Variants in HUWE1 observed in about 807,000 individuals in gnomAD.
HUWE1 encodes E3 ubiquitin-protein ligase HUWE1.
In HUWE1, 18 loss-of-function variants were observed where a neutral mutation model predicts 299.4. That is an observed-to-expected ratio of 0.06 (90% confidence interval 0.04 to 0.09). The LOEUF (loss-of-function observed/expected upper bound fraction) is 0.09. Ranked by LOEUF, HUWE1 falls within the 10% of genes least tolerant of loss-of-function variation. The pLI is 1.00. For missense variants in HUWE1, 1,832 were observed against 3,462.3 expected, an observed-to-expected ratio of 0.53 and a Z score of 11.82; for synonymous variants, 1,317 against 1,286.1, an observed-to-expected ratio of 1.02 and a Z score of -0.51.
At chrX:53,534,340 A>G (rs1602468135) in intron 82 of HUWE1, 143 bp from the exon 83 acceptor site, 2 of 692,483 alleles carry the variant, frequency 2.9e-6, no homozygotes, top group East Asian at 3.4e-5. Context: ...CCTTTCATTC[A>G]TAAGACGGCC....
chrX:53,533,631 TAA>T, intron 83 of HUWE1: 1 of 454,526 alleles, frequency 2.2e-6, no homozygotes, highest in Non-Finnish European at 3.9e-6. Flanking sequence ...CACTCCTCCT[TAA>T]ACACCCTGGC....
chrX:53,575,344 C>T (rs1482100764), intron 45 of HUWE1, 123 bp from the exon 46 acceptor site: 1 of 545,948 alleles, frequency 1.8e-6, no homozygotes, highest in African/African-American at 2.3e-5. Context: ...AACCTTTTAA[C>T]CACCTTACAC....
At chrX:53,597,490 C>T (rs1274387349) in intron 29 of HUWE1, among the ~76,000 whole-genome samples, 1 of 89,134 alleles carries the variant, frequency 1.1e-5, no homozygotes, top group Admixed American at 1.3e-4. Flanking sequence ...TCCTAACTTC[C>T]GAGCCTTGAA....
chrX:53,624,231 C>T (rs1331535616), intron 19 of HUWE1, among the ~76,000 whole-genome samples: 2 of 110,952 alleles, frequency 1.8e-5, no homozygotes, highest in African/African-American at 3.3e-5. Context: ...GTGATCTACC[C>T]GCCTCGGCCT....
In HUWE1 at chrX:53,554,679, C is replaced by T; in HGVS notation, c.8448G>A (p.Gly2816=). ...PEELGPTRPS[G]EAETTQMELS... ...ACTCCATCTGAGTTGTTTCTGCTTC[C>T]CCACTTGGCCTTGTGGGACCCAATT... Residue 2816 remains glycine, a synonymous_variant, in exon 61 of 84, where the codon GGG becomes GGA. Transcript: ENST00000262854. 8.3e-7 allele frequency: 1 copy of T among 1,211,091 alleles called. No homozygotes were observed. Among genetic ancestry groups the T allele is most frequent in the Non-Finnish European group, 1.1e-6 (1 of 895,287 alleles).
At chrX:53,630,123 GA>G (rs1273925673) in intron 12 of HUWE1, among the ~76,000 whole-genome samples, 1 of 111,898 alleles carries the variant, frequency 8.9e-6, no homozygotes, top group African/African-American at 3.2e-5. Flanking sequence ...ACAGTACCCT[GA>G]AGCATAAACT....
intron 60 of HUWE1, chrX:53,556,341 T>C: frequency 2.9e-6 from 1 of 345,573 alleles, no homozygotes; most frequent in South Asian, 2.6e-5. Flanking sequence ...AGCAGAATCC[T>C]CTAATAAGGG....
At chrX:53,629,323 T>C (rs781819251) in intron 13 of HUWE1, among the ~76,000 whole-genome samples, 193 bp downstream of exon 13, 6 of 111,445 alleles carry the variant, frequency 5.4e-5, no homozygotes, top group Admixed American at 3.8e-4. Context: ...TTGTATACAA[T>C]TGCCTTAAGA....
intron 8 of HUWE1, among the ~76,000 whole-genome samples, chrX:53,633,394 T>C (rs2066997733): frequency 8.9e-6 from 1 of 112,521 alleles, no homozygotes; most frequent in Non-Finnish European, 1.9e-5. Context: ...CTGAATATAC[T>C]TCAAGATTTA....
chrX:53,648,043 AT>A (rs2064399278), intron 5 of HUWE1, among the ~76,000 whole-genome samples, 168 bp downstream of exon 5: 1 of 112,035 alleles, frequency 8.9e-6, no homozygotes, highest in Non-Finnish European at 1.9e-5. Context: ...AGCCAGCAAA[AT>A]TTTCCTTGCC....
At chrX:53,673,637 G>A (rs1279289777) in intron 3 of HUWE1, among the ~76,000 whole-genome samples, 1 of 111,485 alleles carries the variant, frequency 9.0e-6, no homozygotes, top group African/African-American at 3.3e-5. Flanking sequence ...AAGTACTTAG[G>A]CGTAGAATTT....
chrX:53,536,307 GC>G, intron 79 of HUWE1, 55 bp from the exon 80 acceptor site: 1 of 1,156,721 alleles, frequency 8.6e-7, no homozygotes, highest in Non-Finnish European at 1.2e-6. Flanking sequence ...GGAAGAAGGA[GC>G]ACAAGGATGG....
intron 39 of HUWE1, among the ~76,000 whole-genome samples, chrX:53,585,422 C>A (rs1352649599): frequency 8.9e-6 from 1 of 112,021 alleles, no homozygotes; most frequent in Non-Finnish European, 1.9e-5. Context: ...AAACTTAATC[C>A]CTAATTTAAC....
intron 23 of HUWE1, 57 bp downstream of exon 23, chrX:53,614,477 G>C: frequency 1.2e-6 from 1 of 842,201 alleles, no homozygotes; most frequent in Non-Finnish European, 1.8e-6. Flanking sequence ...AAGACTTAGA[G>C]AGGTGATAAC....
At chrX:53,656,470 A>T (rs1196988411) in intron 3 of HUWE1, among the ~76,000 whole-genome samples, 3 of 99,290 alleles carry the variant, frequency 3.0e-5, no homozygotes, top group African/African-American at 1.2e-4. Context: ...TGAACCCGGG[A>T]GGCAGAGCTT....
chrX:53,565,113 A>G lies in HUWE1; in HGVS notation c.6834T>C (p.Asp2278=). 1.7e-6 allele frequency: 2 copies of G among 1,211,838 alleles called. No individual in the cohort carries two copies. The change falls in exon 50 of 84, where the codon GAT becomes GAC. Residue 2278 remains aspartate, a synonymous_variant. Transcript: ENST00000262854. ...SASSKNKSEQ[D]AQGASQDSSS... ...TGGAATCTTGAGAGGCTCCTTGGGC[A>G]TCCTGCTCAGACTTGTTCTTGCTAG...
chrX:53,681,263 G>A (rs919613113), intron 2 of HUWE1, among the ~76,000 whole-genome samples: 6 of 109,499 alleles, frequency 5.5e-5, no homozygotes, highest in South Asian at 3.9e-4. Context: ...GTGAAACTCC[G>A]TCTTTACTAA....
In HUWE1 at chrX:53,670,099, G is replaced by A. The variant is rs782417877; in HGVS notation, c.-25+9950C>T. ...ATGCATGAAAACACATGGCCAAATC[G>A]AACTGTTCCATGAAAGAGCTCCAAG... is the stretch of plus-strand genomic sequence containing the variant. On this transcript the variant is annotated intron_variant, in intron 3 of 83. Coordinates refer to ENST00000262854, the MANE Select transcript of HUWE1 (RefSeq NM_031407.7). Among the ~76,000 whole-genome samples, 10 of 111,557 alleles carry A rather than the reference G, an allele frequency of 9.0e-5. No homozygotes were observed. In the East Asian group the frequency reaches 2.8e-3, roughly 31 times the overall value.
chrX:53,586,795 C>T lies in HUWE1; in HGVS notation c.4729G>A (p.Val1577Ile). The change falls in exon 38 of 84, where the codon GTC (valine) becomes ATC (isoleucine). Residue 1577 changes from valine to isoleucine, a missense_variant. Val to Ile is a conservative substitution (Grantham distance 29, BLOSUM62 3). Coordinates refer to ENST00000262854, the MANE Select transcript of HUWE1 (RefSeq NM_031407.7). Reference sequence around the variant, plus strand: ...AGGGTTACTCACTTTGGGGTCTGGACTTCCTTCTGCTCCTTGGCTGCCTGG... The same window carrying T: ...AGGGTTACTCACTTTGGGGTCTGGATTTCCTTCTGCTCCTTGGCTGCCTGG... The part of the protein sequence containing the change: ...CLQAAKEQKE[V>I]QTPKWITPVL... 8.3e-7 allele frequency: 1 copy of T among 1,211,449 alleles called. No homozygotes were observed. Among genetic ancestry groups the T allele is most frequent in the Non-Finnish European group, 1.1e-6 (1 of 895,354 alleles).
Sources: gnomAD v4.1 joint callset for allele counts (sites outside exome capture counted in the v4.1 genomes callset) on GRCh38, gnomAD v4.1.1 for gene constraint, MANE v1.5 for transcripts, NCBI Gene and HGNC (gene_info 2026-07-23, HGNC 2026-07-21) for gene names.